Variants in STK36 observed in about 807,000 individuals in gnomAD.
STK36 encodes the protein serine/threonine kinase 36, also known as serine/threonine-protein kinase 36.
A neutral mutation model predicts 142.2 loss-of-function variants in STK36; 116 were observed. The observed-to-expected ratio is 0.82, with a 90% confidence interval of 0.70 to 0.95. The LOEUF (loss-of-function observed/expected upper bound fraction) is 0.95. Among genes scored for constraint, STK36 ranks in the 40% least tolerant of loss-of-function variants. STK36 has a pLI of 0.00. For missense variants in STK36, 1,422 were observed against 1,617.2 expected (o/e 0.88, Z 2.07); for synonymous variants, 619 against 641.7 (o/e 0.96, Z 0.53).
intron 4 of STK36, 116 bp downstream of exon 4, chr2:218,674,072 T>C: frequency 1.9e-6 from 2 of 1,027,634 alleles, no homozygotes; most frequent in Non-Finnish European, 2.9e-6. Flanking sequence ...GAGAAGAATA[T>C]AAGAGTCTAG....
At chr2:218,673,497 T>C in intron 2 of STK36, 128 bp from the exon 3 acceptor site, 1 of 1,297,928 alleles carries the variant, frequency 7.7e-7, no homozygotes, top group Non-Finnish European at 1.0e-6. Context: ...AGCGGGAGAC[T>C]AACAGAAATA....
intron 10 of STK36, among the ~76,000 whole-genome samples, chr2:218,682,790 G>A (rs953261844): frequency 6.6e-5 from 10 of 151,834 alleles, no homozygotes; most frequent in African/African-American, 2.2e-4. Flanking sequence ...AGAAGGTTTC[G>A]CCATCTTGTC....
chr2:218,679,185 G>A lies in STK36; in HGVS notation c.702G>A (p.Leu234=), dbSNP rs367809448. 24 of 1,614,126 alleles carry A rather than the reference G, an allele frequency of 1.5e-5. No individual in the cohort carries two copies. In the African/African-American group the frequency reaches 2.9e-4, roughly 20 times the overall value. Residue 234 remains leucine (L), a synonymous_variant, in exon 7 of 27, where the codon CTG becomes CTA. Coordinates refer to ENST00000295709, the MANE Select transcript of STK36 (RefSeq NM_015690.5). Reference sequence around the variant, plus strand: ...CTCTGTAGAACTTCCTGCAGGGACTGCTCACCAAAGACCCACGGCAGCGAC... The same window carrying A: ...CTCTGTAGAACTTCCTGCAGGGACTACTCACCAAAGACCCACGGCAGCGAC... The part of the protein sequence containing the change: ...SPCFKNFLQG[L]LTKDPRQRLS...
At position 218,697,515 on chromosome 2, in the gene STK36, G is replaced by T. The variant is rs774861419; in HGVS notation, c.2814G>T (p.Gln938His). ...TGGCCACCTTTACCCAGGAGCCCCA[G>T]TTATGCCTGAGCTGCCTGTCCCAGC... is the stretch of plus-strand genomic sequence containing the variant. ...LAMATFTQEPQLCLSCLSQHG... is the reference protein window; with the variant it reads ...LAMATFTQEPHLCLSCLSQHG... The change falls in exon 24 of 27, where the codon CAG becomes CAT. Residue 938 changes from glutamine (Q) to histidine (H), a missense_variant. This residue lies in a region of STK36 where 962 missense variants were observed against 1,167.5 expected (regional missense o/e 0.82). Coordinates refer to ENST00000295709, the MANE Select transcript of STK36 (RefSeq NM_015690.5). 7.4e-6 allele frequency: 12 copies of T among 1,614,108 alleles called. No homozygotes were observed. Among genetic ancestry groups the T allele is most frequent in the Non-Finnish European group, 1.0e-5 (12 of 1,180,052 alleles).
intron 6 of STK36, among the ~76,000 whole-genome samples, chr2:218,677,872 G>C (rs1940325964): frequency 6.6e-6 from 1 of 152,158 alleles, no homozygotes; most frequent in Admixed American, 6.5e-5. Flanking sequence ...CTCACTGCAA[G>C]CTCCGCCCTC....
chr2:218,676,017 T>G lies in STK36; in HGVS notation c.435-12T>G. On this transcript the variant is annotated splice_polypyrimidine_tract_variant and intron_variant, in intron 5 of 26. Transcript: ENST00000295709. ...TTTTCCCTTTCCATTTCCATCCCATTATCTTCTGCAGATTTGCCCGGGCTA... is the reference window on the plus strand; with the variant it reads ...TTTTCCCTTTCCATTTCCATCCCATGATCTTCTGCAGATTTGCCCGGGCTA... 6.2e-7 allele frequency: 1 copy of G among 1,613,200 alleles called. No homozygotes were observed. The highest frequency in any genetic ancestry group is 8.5e-7 in the Non-Finnish European group (1 of 1,179,326).
intron 11 of STK36, 172 bp from the exon 12 acceptor site, chr2:218,688,525 G>C (rs576978580): frequency 1.3e-6 from 1 of 757,972 alleles, no homozygotes; most frequent in Non-Finnish European, 2.2e-6. Context: ...TTCTTCCCTG[G>C]TACAGTTCCC....
chr2:218,699,092 C>G lies in STK36; in HGVS notation c.3548C>G (p.Ala1183Gly). The G allele has an allele frequency of 6.2e-7, 1 of 1,614,066 alleles. No individual in the cohort carries two copies. Among genetic ancestry groups the G allele is most frequent in the Non-Finnish European group, 8.5e-7 (1 of 1,180,022 alleles). The part of the protein sequence containing the change: ...SFAVGNAAYQ[A>G]GPLGPALAAA... The stretch of plus-strand genomic sequence containing the variant: ...GCTGTGGGCAATGCAGCCTACCAGG[C>G]TGGTCCTCTGGGACCTGCCCTGGCA... Residue 1183 changes from alanine to glycine, a missense_variant, in exon 26 of 27, where the codon GCT (alanine) becomes GGT (glycine). Physicochemically the swap from Ala to Gly is moderately conservative, Grantham distance 60. Around this residue, in one of 2 missense-constraint regions of STK36, gnomAD observed 962 missense variants for 1,167.5 expected, o/e 0.82. Coordinates refer to ENST00000295709, the MANE Select transcript of STK36 (RefSeq NM_015690.5).
intron 21 of STK36, among the ~76,000 whole-genome samples, chr2:218,695,862 CTTT>C (rs34836020): frequency 3.0e-5 from 3 of 100,030 alleles, no homozygotes; most frequent in Admixed American, 1.1e-4. Flanking sequence ...ATGTAGAATT[CTTT>C]TTTTTTTTTT....
chr2:218,676,524 A>G (rs1479581938), intron 6 of STK36, among the ~76,000 whole-genome samples: 1 of 152,134 alleles, frequency 6.6e-6, no homozygotes, highest in Admixed American at 6.5e-5. Context: ...GGGAAGCCTC[A>G]GGAAACTTAC....
At chr2:218,673,133 C>A (rs1463668103) in intron 2 of STK36, 1 of 491,642 alleles carries the variant, frequency 2.0e-6, no homozygotes, top group East Asian at 3.4e-5. Context: ...TACTTAACTT[C>A]CCTATGTCTC....
At chr2:218,680,525 C>A in intron 9 of STK36, 78 bp from the exon 10 acceptor site, 2 of 1,199,320 alleles carry the variant, frequency 1.7e-6, no homozygotes, top group Non-Finnish European at 2.4e-6. Context: ...TATCCTGGGT[C>A]TACAGAGAGG....
At position 218,698,895 on chromosome 2, in the gene STK36, C is replaced by T; in HGVS notation, c.3351C>T (p.Leu1117=). The T allele has an allele frequency of 6.2e-7, 1 of 1,614,214 alleles. No homozygotes were observed. The highest frequency in any genetic ancestry group is 8.5e-7 in the Non-Finnish European group (1 of 1,180,040). Residue 1117 remains leucine (L), a synonymous_variant, in exon 26 of 27, where the codon CTC becomes CTT. Coordinates refer to ENST00000295709, the MANE Select transcript of STK36 (RefSeq NM_015690.5). Reference sequence around the variant, plus strand: ...AATCCTATCGGCCCCTGCGCAGCCTCCTGGGCCACCCAGAGAATTCTGTGC... The same window carrying T: ...AATCCTATCGGCCCCTGCGCAGCCTTCTGGGCCACCCAGAGAATTCTGTGC... The part of the protein sequence containing the change: ...SDESYRPLRS[L]LGHPENSVRA...
chr2:218,699,861 C>CT (rs1263896592), intron 26 of STK36, among the ~76,000 whole-genome samples: 1 of 152,020 alleles, frequency 6.6e-6, no homozygotes, highest in Non-Finnish European at 1.5e-5. Flanking sequence ...ACTCAGAAGT[C>CT]TGAGTCCAGA....
rs912161336 is a variant in STK36 at position 218,693,333 on chromosome 2, C to T, written c.2137C>T (p.His713Tyr). 1.4e-5 allele frequency: 23 copies of T among 1,613,974 alleles called. No individual in the cohort carries two copies. The African/African-American group carries it at 2.7e-4, about 19-fold the overall frequency. Residue 713 changes from histidine (H) to tyrosine (Y), a missense_variant, in exon 17 of 27, where the codon CAC (histidine) becomes TAC (tyrosine). Transcript: ENST00000295709. ...SGLQHPILCL[H>Y]LLKVLYSCCL... is the part of the protein sequence containing the mutation. ...CCTGCAGCATCCCATCCTGTGCCTG[C>T]ACCTTCTCAAGGTAATCCTCTTAAC...
intron 12 of STK36, 65 bp from the exon 13 acceptor site, chr2:218,689,794 G>GT (rs773033545): frequency 9.5e-6 from 14 of 1,478,728 alleles, no homozygotes; most frequent in Middle Eastern, 1.7e-4. Context: ...CCTTTCTACT[G>GT]TTTTTTCTAT....
chr2:218,672,911 C>G lies in STK36; in HGVS notation c.82C>G (p.Gln28Glu). ...VYKGRRKYSA[Q>E]VVALKFIPKL... ...CAAGGGTCGAAGAAAATACAGTGCT[C>G]AGGTGTTGCACAAAGAGGGATACCT... Residue 28 changes from glutamine (Q) to glutamate (E), a missense_variant and splice_region_variant, in exon 2 of 27, where the codon CAG (glutamine) becomes GAG (glutamate). This residue lies in a region of STK36 where 460 missense variants were observed against 449.6 expected (regional missense o/e 1.02). Transcript: ENST00000295709. 1 of 1,614,024 alleles carries G rather than the reference C, an allele frequency of 6.2e-7. No homozygotes were observed. Among genetic ancestry groups the G allele is most frequent in the Non-Finnish European group, 8.5e-7 (1 of 1,179,916 alleles).
intron 26 of STK36, 105 bp from the exon 27 acceptor site, chr2:218,701,761 C>T: frequency 7.1e-7 from 1 of 1,400,228 alleles, no homozygotes; most frequent in Non-Finnish European, 9.7e-7. Context: ...TCTTCCTCTT[C>T]TCGAGTGGGA....
chr2:218,675,315 T>G, intron 4 of STK36, 28 bp from the exon 5 acceptor site: 1 of 1,592,908 alleles, frequency 6.3e-7, no homozygotes, highest in Non-Finnish European at 8.6e-7. Flanking sequence ...AACCTTTTTT[T>G]TCTTTCTTCC....
Sources: allele counts gnomAD v4.1 joint callset (sites outside exome capture counted in the v4.1 genomes callset), GRCh38; gene constraint gnomAD v4.1.1; regional missense constraint gnomAD v4.1.1; transcripts MANE v1.5; gene names NCBI Gene and HGNC (gene_info 2026-07-23, HGNC 2026-07-21).